CCDC154: variants seen among roughly 807,000 people sequenced by gnomAD.
CCDC154 encodes the protein coiled-coil domain-containing protein 154.
CCDC154 carries 91 observed loss-of-function variants against 87.5 expected under a neutral mutation model. That is an observed-to-expected ratio of 1.04 (90% confidence interval 0.88 to 1.24). CCDC154 has a LOEUF of 1.24. Among genes scored for constraint, CCDC154 ranks in the 50% most tolerant of loss-of-function variants. The pLI, the probability that CCDC154 is intolerant of heterozygous loss-of-function variation, is 0.00. For missense variants in CCDC154, 903 were observed against 879.2 expected, an observed-to-expected ratio of 1.03 and a Z score of -0.34; for synonymous variants, 418 against 400.4, an observed-to-expected ratio of 1.04 and a Z score of -0.52.
rs1229371355 is a variant in CCDC154, at chr16:1,434,692, C to A, written c.1853G>T (p.Cys618Phe). The A allele has an allele frequency of 3.2e-6, 5 of 1,546,826 alleles. No homozygotes were observed. In the African/African-American group the frequency reaches 6.8e-5, roughly 21 times the overall value. The change falls in exon 16 of 17, where the codon TGC becomes TTC. Residue 618 changes from cysteine (C) to phenylalanine (F), a missense_variant. Cys to Phe is a radical substitution (Grantham distance 205). Coordinates refer to ENST00000389176, the MANE Select transcript of CCDC154 (RefSeq NM_001143980.3). ...MAPGKVVPMN[C>F]WGVYQAVRWL... ...CCTCACAGCCTGGTACACGCCCCAG[C>A]AGTTCATGGGCACCACCTTGCCAGG...
At chr16:1,442,751 G>A (rs2038563915) in intron 5 of CCDC154, 129 bp downstream of exon 5, 1 of 1,094,534 alleles carries the variant, frequency 9.1e-7, no homozygotes, top group African/African-American at 1.6e-5. Context: ...AGCACGCTTG[G>A]CACCGAGGGC....
intron 4 of CCDC154, 62 bp downstream of exon 4, chr16:1,443,199 C>A: frequency 6.5e-7 from 1 of 1,534,130 alleles, no homozygotes; most frequent in Non-Finnish European, 8.8e-7. Context: ...CCACACCTGC[C>A]GCTGCTTTCT....
At chr16:1,441,165 G>C (rs980812173) in intron 6 of CCDC154, among the ~76,000 whole-genome samples, 29 of 152,136 alleles carry the variant, frequency 1.9e-4, no homozygotes, top group Admixed American at 5.9e-4. Context: ...TCTGGCCCTA[G>C]AGAGCACTCA....
intron 6 of CCDC154, among the ~76,000 whole-genome samples, chr16:1,440,714 GC>G (rs2038544150): frequency 6.6e-6 from 1 of 151,994 alleles, no homozygotes; most frequent in Admixed American, 6.6e-5. Context: ...ACTTTGGGAG[GC>G]CGAGATGGGC....
intron 16 of CCDC154, 30 bp downstream of exon 16, chr16:1,434,638 G>A: frequency 2.0e-6 from 3 of 1,501,802 alleles, no homozygotes; most frequent in Middle Eastern, 2.1e-4. Context: ...CAAAGGCCCA[G>A]GAGGCCGCGC....
intron 11 of CCDC154, chr16:1,437,089 C>T: frequency 4.2e-6 from 2 of 475,126 alleles, no homozygotes; most frequent in East Asian, 3.6e-5. Context: ...TGGGACCCAG[C>T]CCCGAAACGC....
chr16:1,435,058 G>C (rs1404004115), intron 15 of CCDC154, 31 bp downstream of exon 15: 9 of 1,539,266 alleles, frequency 5.8e-6, no homozygotes, highest in Admixed American at 2.0e-5. Context: ...GGTGGGAGCT[G>C]GGCGGTGCCG....
intron 2 of CCDC154, 26 bp from the exon 3 acceptor site, chr16:1,443,721 C>G (rs2038580664): frequency 3.1e-6 from 4 of 1,300,940 alleles, no homozygotes; most frequent in Non-Finnish European, 4.0e-6. Flanking sequence ...GTGGGCGAGT[C>G]TGGCGGTGCC....
chr16:1,438,652 A>G lies in CCDC154; in HGVS notation c.992T>C (p.Leu331Pro), dbSNP rs1172119308. The change falls in exon 9 of 17, where the codon CTG becomes CCG. Residue 331 changes from leucine to proline, a missense_variant. Transcript: ENST00000389176. ...CTCCTCGGCCAGTAGGACACGGTTC[A>G]GCGACGCCTGGTTCTGCTGCACAAA... ...TKFVQQNQAS[L>P]NRVLLAEEKA... 1.9e-6 allele frequency: 3 copies of G among 1,550,016 alleles called. No homozygotes were observed. The highest frequency in any genetic ancestry group is 2.7e-5 in the African/African-American group (2 of 73,040).
At chr16:1,436,591 C>T (rs1038977144) in intron 12 of CCDC154, 70 bp from the exon 13 acceptor site, 4 of 1,546,076 alleles carry the variant, frequency 2.6e-6, no homozygotes, top group Admixed American at 2.0e-5. Context: ...CCTCGACCCA[C>T]ACAGGGAGAG....
chr16:1,439,010 C>A lies in CCDC154; in HGVS notation c.777+15G>T, dbSNP rs560934205. On this transcript the variant is annotated intron_variant, in intron 7 of 16. Coordinates refer to ENST00000389176, the MANE Select transcript of CCDC154 (RefSeq NM_001143980.3). The stretch of plus-strand genomic sequence containing the variant: ...GAAGGGGGGCAGGGCAGGCCAGCCG[C>A]GGGCAGGCTCCCACCTTCTCCAGGG... 7 of 1,550,076 alleles carry A rather than the reference C, an allele frequency of 4.5e-6. No homozygotes were observed. In the East Asian group the frequency reaches 7.3e-5, roughly 16 times the overall value.
rs763745737 is a variant in CCDC154, at chr16:1,438,583, C to A, written c.1025+36G>T. 3.3e-6 allele frequency: 5 copies of A among 1,528,538 alleles called. No individual in the cohort carries two copies. In the South Asian group the frequency reaches 3.6e-5, roughly 11 times the overall value. The allele number at this position is 1,528,538 out of a possible 1,614,324, so 94.7% of individuals were successfully genotyped here. A position where few individuals can be genotyped will look rare whatever the true frequency, so the allele number is the denominator to read the frequency against. Reference sequence around the variant, plus strand: ...TCCTGAGTGGGACATCAGGGGTCCCCCCGCCTGACAGCACCTGAGGCCCCA... The same window carrying A: ...TCCTGAGTGGGACATCAGGGGTCCCACCGCCTGACAGCACCTGAGGCCCCA... On this transcript the variant is annotated intron_variant, in intron 9 of 16. Coordinates refer to ENST00000389176, the MANE Select transcript of CCDC154 (RefSeq NM_001143980.3).
chr16:1,440,380 G>A (rs1486447314), intron 6 of CCDC154, among the ~76,000 whole-genome samples: 3 of 149,912 alleles, frequency 2.0e-5, no homozygotes, highest in Non-Finnish European at 4.4e-5. Flanking sequence ...AACCCGGGAG[G>A]TGGGGCTTGT....
At chr16:1,442,620 T>C in intron 5 of CCDC154, 91 bp from the exon 6 acceptor site, 1 of 1,376,458 alleles carries the variant, frequency 7.3e-7, no homozygotes, top group Non-Finnish European at 9.6e-7. Flanking sequence ...GCAGGAGGTG[T>C]ACGACCCCCG....
intron 6 of CCDC154, 60 bp from the exon 7 acceptor site, chr16:1,439,186 TCCTGC>T (rs1179778163): frequency 7.0e-7 from 1 of 1,419,476 alleles, no homozygotes; most frequent in Non-Finnish European, 9.7e-7. Flanking sequence ...CCGGTCCCCC[TCCTGC>T]CCATGGTCTC....
chr16:1,438,550 C>T (rs2038522285), intron 9 of CCDC154, 69 bp downstream of exon 9: 8 of 1,379,468 alleles, frequency 5.8e-6, no homozygotes, highest in Non-Finnish European at 8.0e-6. Flanking sequence ...TCGGCCACTG[C>T]GGCCCCCTCC....
chr16:1,439,987 A>G (rs994730875), intron 6 of CCDC154, among the ~76,000 whole-genome samples: 1 of 151,946 alleles, frequency 6.6e-6, no homozygotes, highest in Non-Finnish European at 1.5e-5. Flanking sequence ...TGTCTCTACT[A>G]AAACTACAGA....
At chr16:1,436,338 A>T (rs1474601826) in intron 13 of CCDC154, 107 bp downstream of exon 13, 2 of 1,059,070 alleles carry the variant, frequency 1.9e-6, no homozygotes, top group African/African-American at 3.1e-5. Context: ...CAGGGGGAAC[A>T]GGTCTGTCAC....
chr16:1,442,614 G>A, intron 5 of CCDC154, 85 bp from the exon 6 acceptor site: 1 of 1,411,572 alleles, frequency 7.1e-7, no homozygotes, highest in South Asian at 1.5e-5. Context: ...GGCCAGGCAG[G>A]AGGTGTACGA....
Sources: allele counts gnomAD v4.1 joint callset (sites outside exome capture counted in the v4.1 genomes callset), GRCh38; gene constraint gnomAD v4.1.1; transcripts MANE v1.5; gene names NCBI Gene and HGNC (gene_info 2026-07-23, HGNC 2026-07-21).